SGCE: variants seen among roughly 807,000 people sequenced by gnomAD.
SGCE encodes the protein epsilon-sarcoglycan.
SGCE carries 26 observed loss-of-function variants against 57.8 expected under a neutral mutation model. The observed-to-expected ratio is 0.45, with a 90% CI of 0.33 to 0.62. The LOEUF (loss-of-function observed/expected upper bound fraction) is 0.62. Among genes scored for constraint, SGCE ranks in the 20% least tolerant of loss-of-function variants. The pLI is 0.02. For missense variants in SGCE, 468 were observed against 548.6 expected (o/e 0.85, Z 1.47); for synonymous variants, 183 against 189.5 (o/e 0.97, Z 0.28).
At chr7:94,601,476 A>AAAAAAAAAAC (rs1288229007) in intron 6 of SGCE, among the ~76,000 whole-genome samples, 1 of 134,948 alleles carries the variant, frequency 7.4e-6, no homozygotes, top group Non-Finnish European at 1.6e-5. Context: ...AAAAAAAAAA[A>AAAAAAAAAAC]CTACAACAGT....
rs758362726 is a variant in SGCE, at chr7:94,618,787, C to T, written c.633G>A (p.Val211=). 1 of 1,613,994 alleles carries T rather than the reference C, an allele frequency of 6.2e-7. No homozygotes were observed. Among genetic ancestry groups the T allele is most frequent in the South Asian group, 1.1e-5 (1 of 91,084 alleles). ...CCTTCAGGTCATTAATGGGAAGTGG[C>T]ACCCTGCCACCCCTGTCTAGGGCCG... is the stretch of plus-strand genomic sequence containing the variant. The part of the protein sequence containing the change: ...ITSALDRGGR[V]PLPINDLKEG... Residue 211 remains valine, a synonymous_variant, in exon 5 of 11, where the codon GTG becomes GTA. Coordinates refer to ENST00000648936, the MANE Select transcript of SGCE (RefSeq NM_003919.3).
In SGCE at chr7:94,612,541, G is replaced by A. The variant is rs1033863480; in HGVS notation, c.662+6217C>T. Reference sequence around the variant, plus strand: ...TTTTTAAGTACACATGATTTATTCCGCAATTATTTCAGAGTTGGACAACTA... The same window carrying A: ...TTTTTAAGTACACATGATTTATTCCACAATTATTTCAGAGTTGGACAACTA... On this transcript the variant is annotated intron_variant, in intron 5 of 10. Coordinates refer to ENST00000648936, the MANE Select transcript of SGCE (RefSeq NM_003919.3). 3.3e-5 allele frequency among the ~76,000 whole-genome samples: 5 copies of A among 151,750 alleles called. No individual in the cohort carries two copies. In the South Asian group the frequency reaches 8.3e-4, roughly 25 times the overall value.
At chr7:94,601,699 T>C (rs988489297) in intron 6 of SGCE, among the ~76,000 whole-genome samples, 2 of 152,136 alleles carry the variant, frequency 1.3e-5, no homozygotes, top group African/African-American at 4.8e-5. Context: ...TTGTTAATAA[T>C]ACAGTGTTAG....
At chr7:94,591,922 G>A (rs1797735030) in intron 9 of SGCE, among the ~76,000 whole-genome samples, 1 of 152,126 alleles carries the variant, frequency 6.6e-6, no homozygotes, top group Non-Finnish European at 1.5e-5. Flanking sequence ...TGTTCTAAGT[G>A]GTTGTGTTTG....
In SGCE at chr7:94,655,987, A is replaced by C; in HGVS notation, c.109+3T>G. 1 of 1,590,052 alleles carries C rather than the reference A, an allele frequency of 6.3e-7. No homozygotes were observed. Among genetic ancestry groups the C allele is most frequent in the Non-Finnish European group, 8.6e-7 (1 of 1,158,530 alleles). On this transcript the variant is annotated splice_donor_region_variant and intron_variant, in intron 1 of 10. Coordinates refer to ENST00000648936, the MANE Select transcript of SGCE (RefSeq NM_003919.3). Reference sequence around the variant, plus strand: ...ACCTCCACGTCGCGCGCAGGCCACTAACCTGTCAGCAAGAATGTGCCAGTG... The same window carrying C: ...ACCTCCACGTCGCGCGCAGGCCACTCACCTGTCAGCAAGAATGTGCCAGTG...
intron 3 of SGCE, chr7:94,624,301 G>C (rs1483649969): frequency 2.5e-6 from 1 of 397,612 alleles, no homozygotes; most frequent in Non-Finnish European, 4.4e-6. Context: ...TAAATATCTT[G>C]TGCATTTTAA....
intron 1 of SGCE, among the ~76,000 whole-genome samples, chr7:94,645,942 T>C (rs1807009927): frequency 6.6e-6 from 1 of 152,192 alleles, no homozygotes; most frequent in African/African-American, 2.4e-5. Context: ...ATAATAATAC[T>C]GCACTCTCAT....
chr7:94,592,919 C>G (rs913967736), intron 9 of SGCE, among the ~76,000 whole-genome samples: 1 of 152,104 alleles, frequency 6.6e-6, no homozygotes, highest in East Asian at 1.9e-4. Context: ...ATGGTGACAT[C>G]ATTTAACAAT....
At chr7:94,607,455 A>T (rs1800334665) in intron 5 of SGCE, among the ~76,000 whole-genome samples, 1 of 152,194 alleles carries the variant, frequency 6.6e-6, no homozygotes. Flanking sequence ...AATTATACAC[A>T]ATGATCAACT....
intron 10 of SGCE, chr7:94,587,467 G>A (rs904262060): frequency 7.0e-5 from 87 of 1,235,158 alleles, no homozygotes; most frequent in Admixed American, 1.3e-4. Flanking sequence ...GGTTAATAAC[G>A]AAGAAGTTCT....
chr7:94,603,705 C>G (rs778612839), intron 5 of SGCE, among the ~76,000 whole-genome samples: 9 of 152,040 alleles, frequency 5.9e-5, no homozygotes, highest in Non-Finnish European at 1.3e-4. Context: ...TTTCTAAAAA[C>G]TTTATTTCAT....
chr7:94,639,263 A>G (rs1806041072), intron 1 of SGCE: 1 of 912,404 alleles, frequency 1.1e-6, no homozygotes, highest in African/African-American at 1.7e-5. Flanking sequence ...ACACATGACT[A>G]AAAAAGGGAA....
intron 3 of SGCE, chr7:94,623,995 T>C (rs1803268247): frequency 2.6e-6 from 1 of 389,220 alleles, no homozygotes; most frequent in Non-Finnish European, 4.5e-6. Context: ...CGGGCAAATA[T>C]TAGTAAACAT....
At chr7:94,649,060 C>T (rs937681489) in intron 1 of SGCE, among the ~76,000 whole-genome samples, 3 of 152,148 alleles carry the variant, frequency 2.0e-5, no homozygotes, top group Admixed American at 1.3e-4. Flanking sequence ...AAAGAGTCTG[C>T]GTACATGTCA....
chr7:94,602,673 T>C (rs1194450970), intron 6 of SGCE, among the ~76,000 whole-genome samples: 1 of 152,088 alleles, frequency 6.6e-6, no homozygotes, highest in African/African-American at 2.4e-5. Flanking sequence ...ATATAAAATA[T>C]GCAAACATAT....
intron 1 of SGCE, among the ~76,000 whole-genome samples, chr7:94,646,135 G>T (rs555321155): frequency 1.3e-5 from 2 of 152,314 alleles, no homozygotes; most frequent in South Asian, 4.1e-4. Flanking sequence ...CAAGTTGAGG[G>T]CTGCAGTTTA....
intron 1 of SGCE, among the ~76,000 whole-genome samples, chr7:94,646,512 T>C (rs369082172): frequency 6.6e-6 from 1 of 152,188 alleles, no homozygotes; most frequent in African/African-American, 2.4e-5. Flanking sequence ...ACAAAAACAA[T>C]GCATATAAGC....
At chr7:94,650,910 C>G (rs2117100434) in intron 1 of SGCE, among the ~76,000 whole-genome samples, 1 of 152,276 alleles carries the variant, frequency 6.6e-6, no homozygotes, top group East Asian at 1.9e-4. Flanking sequence ...ACAGGATTGC[C>G]AGACCCTTCA....
At chr7:94,614,196 ATGTTTTAT>A (rs1310741606) in intron 5 of SGCE, among the ~76,000 whole-genome samples, 1 of 151,764 alleles carries the variant, frequency 6.6e-6, no homozygotes, top group Non-Finnish European at 1.5e-5. Context: ...AGAGACCTAA[ATGTTTTAT>A]TGGCACTAAA....
Sources: allele counts gnomAD v4.1 joint callset (sites outside exome capture counted in the v4.1 genomes callset), GRCh38; gene constraint gnomAD v4.1.1; transcripts MANE v1.5; gene names NCBI Gene and HGNC (gene_info 2026-07-23, HGNC 2026-07-21).